The following SYNPR variants were observed in gnomAD, a reference collection of about 807,000 sequenced individuals.
SYNPR encodes synaptoporin.
In SYNPR, 23 loss-of-function variants were observed where a neutral mutation model predicts 32.9. The ratio of observed to expected loss-of-function variants is 0.70; its 90% CI spans 0.50 to 0.99. The LOEUF (loss-of-function observed/expected upper bound fraction) is 0.99. SYNPR is among the 50% of genes least tolerant of loss of function. The pLI is 0.00. For missense variants in SYNPR, 318 were observed against 349.3 expected, an observed-to-expected ratio of 0.91 and a Z score of 0.71; for synonymous variants, 146 against 135.9, an observed-to-expected ratio of 1.07 and a Z score of -0.52.
At chr3:63,561,522 T>C (rs562090786) in intron 4 of SYNPR, 2 of 152,186 alleles carry the variant, frequency 1.3e-5, no homozygotes, top group South Asian at 4.1e-4. Context: ...GTAAGACAAA[T>C]TGGTATTGTT....
chr3:63,280,082 T>C (rs1031666391), intron 2 of SYNPR, among the ~76,000 whole-genome samples: 1 of 152,178 alleles, frequency 6.6e-6, no homozygotes, highest in Non-Finnish European at 1.5e-5. Flanking sequence ...AAGAAAATAA[T>C]AGCTCCATTG....
chr3:63,571,965 G>C (rs1482198535), intron 4 of SYNPR, among the ~76,000 whole-genome samples: 2 of 152,140 alleles, frequency 1.3e-5, no homozygotes, highest in Non-Finnish European at 2.9e-5. Context: ...GCTCTAAGCA[G>C]GACAGAGCCC....
intron 2 of SYNPR, chr3:63,452,012 C>T (rs1476353469): frequency 4.3e-6 from 3 of 695,774 alleles, no homozygotes; most frequent in Non-Finnish European, 7.9e-6. Flanking sequence ...TTTCTTCCTC[C>T]CCCAGACCAG....
intron 2 of SYNPR, among the ~76,000 whole-genome samples, chr3:63,378,794 T>C (rs147543031): frequency 6.6e-6 from 1 of 152,116 alleles, no homozygotes; most frequent in African/African-American, 2.4e-5. Context: ...TTATTTATAT[T>C]CTTATTTTAA....
chr3:63,589,603 C>G (rs1703268767), intron 4 of SYNPR, among the ~76,000 whole-genome samples: 2 of 150,916 alleles, frequency 1.3e-5, no homozygotes, highest in Admixed American at 6.6e-5. Context: ...AAAGCTTATC[C>G]ACCATGATCA....
intron 2 of SYNPR, among the ~76,000 whole-genome samples, chr3:63,364,644 G>A (rs1575611352): frequency 6.6e-6 from 1 of 152,196 alleles, no homozygotes; most frequent in South Asian, 2.1e-4. Context: ...ATCAACTGGA[G>A]TGTTGATGGT....
chr3:63,577,246 C>A (rs1023297308), intron 4 of SYNPR, among the ~76,000 whole-genome samples: 1 of 152,144 alleles, frequency 6.6e-6, no homozygotes, highest in Non-Finnish European at 1.5e-5. Context: ...ATCTTAGAAA[C>A]TGAAATCTTC....
intron 3 of SYNPR, among the ~76,000 whole-genome samples, chr3:63,484,665 T>C (rs1415519199): frequency 6.6e-6 from 1 of 152,202 alleles, no homozygotes; most frequent in Non-Finnish European, 1.5e-5. Context: ...TTAGATTATG[T>C]AGTCATTACA....
chr3:63,519,601 G>A (rs559852378), intron 3 of SYNPR, among the ~76,000 whole-genome samples: 1 of 152,260 alleles, frequency 6.6e-6, no homozygotes, highest in South Asian at 2.1e-4. Context: ...CCTCAAGGTT[G>A]GCAGAGTTCC....
chr3:63,593,875 C>G (rs1349452175), intron 4 of SYNPR, among the ~76,000 whole-genome samples: 1 of 152,126 alleles, frequency 6.6e-6, no homozygotes, highest in Non-Finnish European at 1.5e-5. Flanking sequence ...GAGAACAGAT[C>G]TCCCTTGGCT....
chr3:63,386,603 A>ACTTCCTTCTTTCCTTC (rs1553875006), intron 2 of SYNPR, among the ~76,000 whole-genome samples: 6 of 149,986 alleles, frequency 4.0e-5, no homozygotes, highest in Admixed American at 1.3e-4. Context: ...GATTATATTT[A>ACTTCCTTCTTTCCTTC]CTTCCTTCCT....
At chr3:63,457,361 A>AT (rs1700501149) in intron 2 of SYNPR, among the ~76,000 whole-genome samples, 1 of 151,476 alleles carries the variant, frequency 6.6e-6, no homozygotes, top group African/African-American at 2.4e-5. Context: ...TCCTTTTTTT[A>AT]TTTTTTATTT....
intron 2 of SYNPR, among the ~76,000 whole-genome samples, chr3:63,292,425 C>G (rs1423938651): frequency 2.6e-5 from 4 of 152,064 alleles, no homozygotes; most frequent in Admixed American, 2.6e-4. Flanking sequence ...TATAGTCATC[C>G]TGTAGTGCTA....
chr3:63,478,135 G>A (rs766203125), intron 2 of SYNPR, among the ~76,000 whole-genome samples: 3 of 152,156 alleles, frequency 2.0e-5, no homozygotes, highest in East Asian at 1.9e-4. Flanking sequence ...AAATTGTGGT[G>A]TATGTGGTTT....
intron 2 of SYNPR, among the ~76,000 whole-genome samples, chr3:63,463,436 G>T (rs1242811558): frequency 1.3e-5 from 2 of 152,162 alleles, no homozygotes; most frequent in African/African-American, 4.8e-5. Context: ...GATCTGGAAA[G>T]TTCCTTGGAA....
chr3:63,615,206 G>A lies in SYNPR; in HGVS notation c.601-18G>A. The A allele has an allele frequency of 6.2e-7, 1 of 1,610,266 alleles. No individual in the cohort carries two copies. The highest frequency in any genetic ancestry group is 8.5e-7 in the Non-Finnish European group (1 of 1,177,746). ...TTTTGTCTAGTCTATCAATTCATTG[G>A]CTTTGATTCTCCTTCAGGTCTTTGG... On this transcript the variant is annotated intron_variant, in intron 5 of 5. Coordinates refer to ENST00000478300, the MANE Select transcript of SYNPR (RefSeq NM_001130003.2).
chr3:63,477,192 C>A (rs1271962434), intron 2 of SYNPR, among the ~76,000 whole-genome samples: 1 of 152,150 alleles, frequency 6.6e-6, no homozygotes, highest in South Asian at 2.1e-4. Context: ...CAAGGCAACA[C>A]CTAGAGAATC....
chr3:63,568,561 A>C (rs768462722), intron 4 of SYNPR, among the ~76,000 whole-genome samples: 11 of 152,184 alleles, frequency 7.2e-5, no homozygotes, highest in Non-Finnish European at 1.6e-4. Context: ...CAGGAATCAA[A>C]GTCCCCTCTT....
chr3:63,460,691 C>T lies in SYNPR; in HGVS notation c.85-20141C>T, dbSNP rs183051768. Reference sequence around the variant, plus strand: ...GAGGGGAAAGCAAGGACTTGAAGACCGAAAGCCTTGAATGCCATGCTAAGG... The same window carrying T: ...GAGGGGAAAGCAAGGACTTGAAGACTGAAAGCCTTGAATGCCATGCTAAGG... On this transcript the variant is annotated intron_variant, in intron 2 of 5. Transcript: ENST00000478300. Among the ~76,000 whole-genome samples the T allele has an allele frequency of 2.2e-4, 33 of 151,768 alleles. 1 individual carries two copies. The East Asian group carries it at 3.9e-3, about 18-fold the overall frequency.
Sources: gnomAD v4.1 joint callset for allele counts (sites outside exome capture counted in the v4.1 genomes callset) on GRCh38, gnomAD v4.1.1 for gene constraint, MANE v1.5 for transcripts, NCBI Gene and HGNC (gene_info 2026-07-23, HGNC 2026-07-21) for gene names.